Variants in CDH4 observed in about 807,000 individuals in gnomAD.
CDH4 encodes the protein cadherin 4.
In CDH4, 33 loss-of-function variants were observed where a neutral mutation model predicts 86.0. That is an observed-to-expected ratio of 0.38 (90% confidence interval 0.29 to 0.51). The LOEUF is 0.51. Ranked by LOEUF, CDH4 falls within the 20% of genes least tolerant of loss-of-function variation. The pLI, the probability that CDH4 is intolerant of heterozygous loss-of-function variation, is 0.86. For synonymous variants in CDH4, 555 were observed against 549.4 expected (o/e 1.01, Z -0.14); for missense variants, 1,114 against 1,307.4 (o/e 0.85, Z 2.28).
At chr20:61,579,914 A>G (rs2086412805) in intron 2 of CDH4, among the ~76,000 whole-genome samples, 1 of 152,002 alleles carries the variant, frequency 6.6e-6, no homozygotes, top group Admixed American at 6.5e-5. Context: ...GTAAAATAAG[A>G]TGGCTAATTA....
chr20:61,270,291 A>T (rs1163971894), intron 2 of CDH4, among the ~76,000 whole-genome samples: 1 of 152,200 alleles, frequency 6.6e-6, no homozygotes, highest in Non-Finnish European at 1.5e-5. Context: ...GTTTAGAAGT[A>T]AGTTGTTCTG....
rs186941216 is a variant in CDH4 at position 61,466,155 on chromosome 20, G to A, written c.169+211218G>A. 1.7e-4 allele frequency among the ~76,000 whole-genome samples: 26 copies of A among 152,276 alleles called. No individual in the cohort carries two copies. In the East Asian group the frequency reaches 4.2e-3, roughly 25 times the overall value. On this transcript the variant is annotated intron_variant, in intron 2 of 15. Coordinates refer to ENST00000614565, the MANE Select transcript of CDH4 (RefSeq NM_001794.5). Reference sequence around the variant, plus strand: ...GGCTGCCCTTGTACCACAACAGCCAGCTGAAAATGGAAAGGTTTAGTCAGG... The same window carrying A: ...GGCTGCCCTTGTACCACAACAGCCAACTGAAAATGGAAAGGTTTAGTCAGG...
rs760527005 is a variant in CDH4 at position 61,743,739 on chromosome 20, G to A, written c.346G>A (p.Val116Met). 4.1e-5 allele frequency: 66 copies of A among 1,610,700 alleles called. No homozygotes were observed. The highest frequency in any genetic ancestry group is 1.7e-4 in the Middle Eastern group (1 of 6,058). Residue 116 changes from valine (V) to methionine (M), a missense_variant, in exon 3 of 16, where the codon GTG becomes ATG. Val to Met is a conservative substitution (Grantham distance 21, BLOSUM62 1). Transcript: ENST00000614565. ...CCAGACAGCAGAGAAATGGGACGCC[G>A]TGGTGCGGTTGCTGGTGGCCCAGAC... is the stretch of plus-strand genomic sequence containing the variant. Reference protein sequence around the residue: ...DSQTAEKWDAVVRLLVAQTSS... With the variant: ...DSQTAEKWDAMVRLLVAQTSS...
intron 2 of CDH4, among the ~76,000 whole-genome samples, chr20:61,689,194 G>A (rs1600876694): frequency 6.6e-6 from 1 of 151,934 alleles, no homozygotes; most frequent in African/African-American, 2.4e-5. Flanking sequence ...ATCAGGCTGG[G>A]ACAGTGGTTG....
intron 2 of CDH4, chr20:61,719,227 C>T (rs1220892695): frequency 9.7e-6 from 4 of 412,088 alleles, no homozygotes; most frequent in African/African-American, 6.3e-5. Context: ...TTGTTCATTG[C>T]TAATACAGAG....
At chr20:61,570,425 A>G in intron 2 of CDH4, 1 of 488,850 alleles carries the variant, frequency 2.0e-6, no homozygotes, top group Non-Finnish European at 3.7e-6. Context: ...TTTGGGCTTC[A>G]GCAGCCCTGG....
At chr20:61,507,070 T>C (rs1273626651) in intron 2 of CDH4, among the ~76,000 whole-genome samples, 4 of 152,216 alleles carry the variant, frequency 2.6e-5, no homozygotes, top group Non-Finnish European at 4.4e-5. Context: ...TTTGAGTGTT[T>C]TGTTTTCCTA....
chr20:61,637,865 C>G (rs192276838), intron 2 of CDH4, among the ~76,000 whole-genome samples: 1 of 151,834 alleles, frequency 6.6e-6, no homozygotes, highest in Non-Finnish European at 1.5e-5. Context: ...TACTAAAAAT[C>G]CAAAAATTAG....
intron 2 of CDH4, among the ~76,000 whole-genome samples, chr20:61,479,837 T>C (rs923079686): frequency 1.3e-5 from 2 of 152,250 alleles, no homozygotes; most frequent in African/African-American, 4.8e-5. Flanking sequence ...TGTAACAGGC[T>C]ACTCAGGGTC....
chr20:61,859,906 C>T (rs182753562), intron 6 of CDH4, among the ~76,000 whole-genome samples: 1 of 152,276 alleles, frequency 6.6e-6, no homozygotes, highest in Non-Finnish European at 1.5e-5. Context: ...CGTACTCAGC[C>T]CCCTCCTCAG....
At chr20:61,277,529 C>G (rs2084237343) in intron 2 of CDH4, among the ~76,000 whole-genome samples, 1 of 152,142 alleles carries the variant, frequency 6.6e-6, no homozygotes, top group Non-Finnish European at 1.5e-5. Context: ...CTTCTCCCAC[C>G]TCGTGGAGGG....
chr20:61,900,827 C>G (rs1985361354), intron 8 of CDH4, among the ~76,000 whole-genome samples: 1 of 152,236 alleles, frequency 6.6e-6, no homozygotes, highest in South Asian at 2.1e-4. Context: ...AAGTTGCCTC[C>G]CTTTCCTCAT....
chr20:61,758,132 G>A (rs181148331), intron 3 of CDH4, among the ~76,000 whole-genome samples: 8 of 152,352 alleles, frequency 5.3e-5, no homozygotes, highest in Admixed American at 5.2e-4. Context: ...TTCAGAGTCA[G>A]GTGAGGGGTA....
At chr20:61,298,145 G>T (rs754816698) in intron 2 of CDH4, among the ~76,000 whole-genome samples, 17 of 152,174 alleles carry the variant, frequency 1.1e-4, no homozygotes, top group Non-Finnish European at 2.1e-4. Flanking sequence ...AGTGCGATTG[G>T]GCGCCAGAGC....
chr20:61,844,682 A>T lies in CDH4; in HGVS notation c.591A>T (p.Lys197Asn), dbSNP rs764821790. ...CTGCCTTTCAGATCCGGTCCGACAA[A>T]GACAATGACATCCCCATCCGGTACA... ...PQQLVRIRSDKDNDIPIRYSI... is the reference protein window; with the variant it reads ...PQQLVRIRSDNDNDIPIRYSI... The change falls in exon 5 of 16, where the codon AAA becomes AAT. Residue 197 changes from lysine to asparagine, a missense_variant. By Grantham distance (94) the Lys-to-Asn change is moderately conservative (BLOSUM62 0). Coordinates refer to ENST00000614565, the MANE Select transcript of CDH4 (RefSeq NM_001794.5). 1 of 1,612,000 alleles carries T rather than the reference A, an allele frequency of 6.2e-7. No individual in the cohort carries two copies. Among genetic ancestry groups the T allele is most frequent in the South Asian group, 1.1e-5 (1 of 90,860 alleles).
At chr20:61,406,577 A>G (rs1286605987) in intron 2 of CDH4, among the ~76,000 whole-genome samples, 10 of 138,940 alleles carry the variant, frequency 7.2e-5, no homozygotes, top group Non-Finnish European at 1.2e-4. Flanking sequence ...TGCCTGGACC[A>G]CCATCTGCTC....
chr20:61,861,875 C>A (rs1983344218), intron 6 of CDH4, among the ~76,000 whole-genome samples: 1 of 152,156 alleles, frequency 6.6e-6, no homozygotes, highest in Non-Finnish European at 1.5e-5. Flanking sequence ...CGGAGGGCAC[C>A]AGGTGGGAAC....
rs2086438224 is a variant in CDH4, at chr20:61,582,634, G to A, written c.170-160929G>A. 6.6e-6 allele frequency among the ~76,000 whole-genome samples: 1 copy of A among 152,174 alleles called. No individual in the cohort carries two copies. The highest frequency in any genetic ancestry group is 1.5e-5 in the Non-Finnish European group (1 of 68,030). On this transcript the variant is annotated intron_variant, in intron 2 of 15. Transcript: ENST00000614565. This position sits in a 1 kb window ranked among gnomAD's most constrained non-coding sequence, Gnocchi z 4.2. The stretch of plus-strand genomic sequence containing the variant: ...TCCGTCCCCTGCAGGGCCTGGTGCG[G>A]TGGAGCCCAGGCAGTGCTCCCTGCA...
chr20:61,300,839 G>A (rs2084382290), intron 2 of CDH4, among the ~76,000 whole-genome samples: 2 of 152,288 alleles, frequency 1.3e-5, no homozygotes, highest in South Asian at 2.1e-4. Context: ...AGGAGGTAGG[G>A]ACCCTGGGAA....
Sources: allele counts gnomAD v4.1 joint callset (sites outside exome capture counted in the v4.1 genomes callset), GRCh38; gene constraint gnomAD v4.1.1; non-coding constraint Gnocchi (gnomAD v3.1); transcripts MANE v1.5; gene names NCBI Gene and HGNC (gene_info 2026-07-23, HGNC 2026-07-21).